The following PRIM2 variants were observed in gnomAD, a reference collection of about 807,000 sequenced individuals.
PRIM2 encodes the protein DNA primase large subunit.
In PRIM2, 39 loss-of-function variants were observed where a neutral mutation model predicts 67.3. That is an observed-to-expected ratio of 0.58 (90% CI 0.45 to 0.76). PRIM2 has a LOEUF of 0.76. Ranked by LOEUF, PRIM2 falls within the 30% of genes least tolerant of loss-of-function variation. The pLI is 0.00. For synonymous variants in PRIM2, 143 were observed against 198.7 expected, an observed-to-expected ratio of 0.72 and a Z score of 2.36; for missense variants, 398 against 598.7, an observed-to-expected ratio of 0.66 and a Z score of 3.50.
At chr6:57,605,379 A>G (rs1349618578) in intron 11 of PRIM2, among the ~76,000 whole-genome samples, 1 of 152,162 alleles carries the variant, frequency 6.6e-6, no homozygotes, top group Non-Finnish European at 1.5e-5. Flanking sequence ...ATCTGGTAGA[A>G]TTTGGCTGTG....
At chr6:57,355,104 G>A (rs369382994) in intron 5 of PRIM2, among the ~76,000 whole-genome samples, 1 of 152,414 alleles carries the variant, frequency 6.6e-6, no homozygotes, top group South Asian at 2.1e-4. Context: ...AGGAGTTTGA[G>A]ACCAGCCTTA....
the PRIM2 span, among the ~76,000 whole-genome samples, chr6:57,263,712 T>C: frequency 6.6e-6 from 1 of 152,232 alleles, no homozygotes; most frequent in Admixed American, 6.5e-5. Context: ...TAAAATTGAA[T>C]AGCAGCAATC....
chr6:57,362,015 C>T (rs1053227333), intron 5 of PRIM2, among the ~76,000 whole-genome samples: 5 of 152,038 alleles, frequency 3.3e-5, no homozygotes, highest in Non-Finnish European at 5.9e-5. Flanking sequence ...AGAGATACTC[C>T]AATGGATGGA....
chr6:57,603,049 G>A (rs1776498569), intron 11 of PRIM2, among the ~76,000 whole-genome samples: 2 of 152,088 alleles, frequency 1.3e-5, no homozygotes, highest in East Asian at 3.9e-4. Flanking sequence ...AGAGTTCATT[G>A]TGTATTTTGC....
the PRIM2 span, among the ~76,000 whole-genome samples, chr6:57,272,144 C>A: frequency 6.6e-6 from 1 of 152,148 alleles, no homozygotes; most frequent in African/African-American, 2.4e-5. Flanking sequence ...TCTATTAGGT[C>A]AGCTTGGTGC....
chr6:57,413,526 T>C (rs1479063139), intron 7 of PRIM2, among the ~76,000 whole-genome samples: 5 of 151,916 alleles, frequency 3.3e-5, no homozygotes, highest in African/African-American at 1.2e-4. Flanking sequence ...AATAGAAAAT[T>C]AGAACTAATG....
In PRIM2 at chr6:57,425,182, T is replaced by G. The variant is rs551238214; in HGVS notation, c.693+43014T>G. On this transcript the variant is annotated intron_variant, in intron 7 of 13. Coordinates refer to ENST00000615550, the MANE Select transcript of PRIM2 (RefSeq NM_000947.5). ...ATTATATTTTCATTTCTTTTCCTTTTTGAACAAATAATTAGGATTTATTTG... is the reference window on the plus strand; with the variant it reads ...ATTATATTTTCATTTCTTTTCCTTTGTGAACAAATAATTAGGATTTATTTG... Among the ~76,000 whole-genome samples, 191 of 152,336 alleles carry G rather than the reference T, an allele frequency of 1.3e-3. 5 individuals carry two copies. The East Asian group carries it at 0.016, about 13-fold the overall frequency.
chr6:57,363,354 C>T (rs1304144064), intron 5 of PRIM2, among the ~76,000 whole-genome samples: 3 of 152,178 alleles, frequency 2.0e-5, no homozygotes, highest in African/African-American at 4.8e-5. Context: ...ATAAAGGAGA[C>T]ATACAAGAAA....
intron 7 of PRIM2, among the ~76,000 whole-genome samples, chr6:57,407,607 TTTGCA>T (rs1390175704): frequency 6.6e-6 from 1 of 152,240 alleles, no homozygotes; most frequent in African/African-American, 2.4e-5. Flanking sequence ...ATACGTATCA[TTTGCA>T]TATTGCGGGT....
chr6:57,435,288 C>T (rs985360746), intron 7 of PRIM2: 3 of 152,176 alleles, frequency 2.0e-5, no homozygotes, highest in East Asian at 1.9e-4. Context: ...TCTGTGAGCA[C>T]CACAGAATTT....
chr6:57,399,266 C>T (rs558743350), intron 7 of PRIM2, among the ~76,000 whole-genome samples: 2 of 152,272 alleles, frequency 1.3e-5, no homozygotes, highest in East Asian at 1.9e-4. Context: ...GTTCAGTTCC[C>T]ACCTATGAGT....
chr6:57,230,776 G>A, the PRIM2 span, among the ~76,000 whole-genome samples: 15 of 152,184 alleles, frequency 9.9e-5, no homozygotes, highest in Non-Finnish European at 1.6e-4. Context: ...AATTGCCCAT[G>A]TACATTGAGT....
chr6:57,467,318 G>C (rs1773227903), intron 7 of PRIM2, among the ~76,000 whole-genome samples: 1 of 151,570 alleles, frequency 6.6e-6, no homozygotes, highest in Non-Finnish European at 1.5e-5. Flanking sequence ...TGTAAGGAAG[G>C]GGTCCAGTTT....
chr6:57,388,100 C>T (rs1158267608), intron 7 of PRIM2, among the ~76,000 whole-genome samples: 2 of 152,098 alleles, frequency 1.3e-5, no homozygotes, highest in Admixed American at 6.6e-5. Flanking sequence ...TGTGAGGCTG[C>T]AATGGCTAGG....
At chr6:57,600,656 T>G (rs1776447149) in intron 10 of PRIM2, among the ~76,000 whole-genome samples, 1 of 152,040 alleles carries the variant, frequency 6.6e-6, no homozygotes. Context: ...GCACCTGGCC[T>G]AGGATTAACT....
intron 10 of PRIM2, among the ~76,000 whole-genome samples, chr6:57,538,683 T>C (rs1198105891): frequency 6.6e-6 from 1 of 152,218 alleles, no homozygotes; most frequent in Non-Finnish European, 1.5e-5. Context: ...GAAGTTTATT[T>C]CCTCACACTT....
the PRIM2 span, among the ~76,000 whole-genome samples, chr6:57,237,965 A>G: frequency 1.3e-5 from 2 of 152,202 alleles, no homozygotes; most frequent in Non-Finnish European, 1.5e-5. Flanking sequence ...AGAGACAAAG[A>G]AGGCCATTAC....
At chr6:57,548,540 T>C (rs1468096631) in intron 10 of PRIM2, among the ~76,000 whole-genome samples, 1 of 152,172 alleles carries the variant, frequency 6.6e-6, no homozygotes, top group African/African-American at 2.4e-5. Context: ...ATTTATCTAT[T>C]ATGTGATTAT....
the PRIM2 span, among the ~76,000 whole-genome samples, chr6:57,286,996 C>T: frequency 1.3e-5 from 2 of 152,278 alleles, no homozygotes; most frequent in South Asian, 4.1e-4. Flanking sequence ...GGCCAACAAA[C>T]ATATGGAAAA....
Sources: allele counts gnomAD v4.1 joint callset (sites outside exome capture counted in the v4.1 genomes callset), GRCh38; gene constraint gnomAD v4.1.1; transcripts MANE v1.5; gene names NCBI Gene and HGNC (gene_info 2026-07-23, HGNC 2026-07-21).